Variants in UBQLN1 observed in about 807,000 individuals in gnomAD.
UBQLN1 encodes the protein ubiquilin 1, also known as ubiquilin-1.
In UBQLN1, 13 loss-of-function variants were observed where a neutral mutation model predicts 65.4. That is an observed-to-expected ratio of 0.20 (90% confidence interval 0.13 to 0.32). The LOEUF (loss-of-function observed/expected upper bound fraction) is 0.32. Among genes scored for constraint, UBQLN1 ranks in the 10% least tolerant of loss-of-function variants. The pLI is 1.00. For synonymous variants in UBQLN1, 267 were observed against 247.8 expected, an observed-to-expected ratio of 1.08 and a Z score of -0.73; for missense variants, 561 against 724.0, an observed-to-expected ratio of 0.77 and a Z score of 2.58.
chr9:83,678,697 G>A, intron 4 of UBQLN1, 98 bp from the exon 5 acceptor site: 1 of 1,250,894 alleles, frequency 8.0e-7, no homozygotes, highest in South Asian at 1.5e-5. Flanking sequence ...CAAAGTTTAT[G>A]GGAGGCCACT....
At chr9:83,687,733 T>C (rs1202878698) in intron 1 of UBQLN1, among the ~76,000 whole-genome samples, 1 of 152,196 alleles carries the variant, frequency 6.6e-6, no homozygotes, top group Admixed American at 6.5e-5. Flanking sequence ...CATTTGTGTA[T>C]GAACAAAATT....
chr9:83,693,666 T>C (rs1440682304), intron 1 of UBQLN1, among the ~76,000 whole-genome samples: 2 of 152,234 alleles, frequency 1.3e-5, no homozygotes, highest in Non-Finnish European at 2.9e-5. Flanking sequence ...TCAACTTTTA[T>C]GGTGCCAATC....
intron 7 of UBQLN1, chr9:83,667,689 T>C (rs1278144322): frequency 2.0e-6 from 2 of 985,152 alleles, no homozygotes; most frequent in East Asian, 1.1e-4. Context: ...AAAAAGCATG[T>C]CATCTTAAAC....
intron 10 of UBQLN1, 93 bp downstream of exon 10, chr9:83,663,782 G>A: frequency 1.5e-6 from 2 of 1,373,470 alleles, no homozygotes; most frequent in Non-Finnish European, 9.9e-7. Context: ...AAGAACTACT[G>A]CTTTCCTTTT....
Position 83,672,485 on chromosome 9 carries a change from T to C in UBQLN1, c.1106-3158A>G, listed in dbSNP as rs556036723. Among the ~76,000 whole-genome samples, 4 of 152,286 alleles carry C rather than the reference T, an allele frequency of 2.6e-5. No individual in the cohort carries two copies. In the East Asian group the frequency reaches 7.7e-4, roughly 29 times the overall value. ...GAGTTATTAACTGACCCAATTTCAA[T>C]GTTGTGTCTCAGAGAATAGGGAGAC... is the stretch of plus-strand genomic sequence containing the variant. On this transcript the variant is annotated intron_variant, in intron 6 of 10. Coordinates refer to ENST00000376395, the MANE Select transcript of UBQLN1 (RefSeq NM_013438.5).
chr9:83,667,716 A>G, intron 7 of UBQLN1: 1 of 983,752 alleles, frequency 1.0e-6, no homozygotes, highest in Non-Finnish European at 1.2e-6. Flanking sequence ...TTTCACAGAT[A>G]ATCATCTTAT....
intron 1 of UBQLN1, among the ~76,000 whole-genome samples, chr9:83,690,539 A>G (rs1385390901): frequency 1.3e-5 from 2 of 152,188 alleles, no homozygotes; most frequent in African/African-American, 4.8e-5. Context: ...CTGTACTTTA[A>G]TAAAAATAGT....
Position 83,679,767 on chromosome 9 carries a change from C to T in UBQLN1, c.711+8G>A, listed in dbSNP as rs370436678. ...TAGCTAAACGAACTGAAAGAACTTTCCACATACTTGTCTCATTATATCTGG... is the reference window on the plus strand; with the variant it reads ...TAGCTAAACGAACTGAAAGAACTTTTCACATACTTGTCTCATTATATCTGG... On this transcript the variant is annotated splice_region_variant and intron_variant, in intron 4 of 10. Coordinates refer to ENST00000376395, the MANE Select transcript of UBQLN1 (RefSeq NM_013438.5). 1.2e-6 allele frequency: 2 copies of T among 1,611,640 alleles called. No individual in the cohort carries two copies. The highest frequency in any genetic ancestry group is 1.7e-6 in the Non-Finnish European group (2 of 1,178,272).
rs201699870 is a variant in UBQLN1 at position 83,669,188 on chromosome 9, T to C, written c.1245A>G (p.Ala415=). Residue 415 remains alanine, a synonymous_variant, in exon 7 of 11, where the codon GCA becomes GCG. Coordinates refer to ENST00000376395, the MANE Select transcript of UBQLN1 (RefSeq NM_013438.5). ...QSLSQNPDLA[A]QMMLNNPLFA... ...TTCAATACAATTACAAACTCACCTG[T>C]GCAGCAAGGTCAGGATTCTGGCTTA... The C allele has an allele frequency of 4.8e-5, 77 of 1,607,938 alleles. No individual in the cohort carries two copies. In the Middle Eastern group the frequency reaches 2.8e-3, roughly 59 times the overall value.
intron 7 of UBQLN1, chr9:83,666,788 C>T: frequency 5.3e-6 from 1 of 189,436 alleles, no homozygotes; most frequent in East Asian, 1.2e-4. Context: ...ATATTTTCTA[C>T]TACACTGGCA....
In UBQLN1 at chr9:83,695,299, A is replaced by G. The variant is rs558635818; in HGVS notation, c.181-9144T>C. Among the ~76,000 whole-genome samples, 578 of 151,644 alleles carry G rather than the reference A, an allele frequency of 3.8e-3. 1 individual carries two copies. The highest frequency in any genetic ancestry group is 6.5e-3 in the Non-Finnish European group (445 of 67,968). On this transcript the variant is annotated intron_variant, in intron 1 of 10. Transcript: ENST00000376395. Reference sequence around the variant, plus strand: ...CTGCAACCTCCACCTCCCGGGTTCAAGTGATTCTCCTGCCTCAGCCTCCCA... The same window carrying G: ...CTGCAACCTCCACCTCCCGGGTTCAGGTGATTCTCCTGCCTCAGCCTCCCA...
chr9:83,687,077 G>A (rs1832052985), intron 1 of UBQLN1, among the ~76,000 whole-genome samples: 1 of 151,950 alleles, frequency 6.6e-6, no homozygotes. Flanking sequence ...GCAGTACTGT[G>A]GAAAATCAAA....
chr9:83,680,144 A>G, intron 3 of UBQLN1, 107 bp from the exon 4 acceptor site: 1 of 1,175,802 alleles, frequency 8.5e-7, no homozygotes, highest in Non-Finnish European at 1.2e-6. Context: ...CCAATAGTCT[A>G]TTACAAGAAA....
At chr9:83,688,599 C>T (rs553315220) in intron 1 of UBQLN1, among the ~76,000 whole-genome samples, 2 of 151,768 alleles carry the variant, frequency 1.3e-5, no homozygotes, top group African/African-American at 4.8e-5. Context: ...TGCAGTGGCT[C>T]ACACCTGTAA....
chr9:83,707,579 G>C lies in UBQLN1; in HGVS notation c.101C>G (p.Pro34Arg). ...GAPAAAASAEPKIMKVTVKTP... is the reference protein window; with the variant it reads ...GAPAAAASAERKIMKVTVKTP... The stretch of plus-strand genomic sequence containing the variant: ...CTTCACGGTGACTTTCATGATTTTG[G>C]GCTCCGCGGAGGCAGCGGCCGCGGG... The change falls in exon 1 of 11, where the codon CCC (proline) becomes CGC (arginine). Residue 34 changes from proline (P) to arginine (R), a missense_variant. Transcript: ENST00000376395. 1 of 1,608,128 alleles carries C rather than the reference G, an allele frequency of 6.2e-7. No homozygotes were observed. The highest frequency in any genetic ancestry group is 1.1e-5 in the South Asian group (1 of 90,520).
At position 83,694,547 on chromosome 9, in the gene UBQLN1, G is replaced by C. The variant is rs11140215; in HGVS notation, c.181-8392C>G. ...CTGAATATGTAACACGTATGAGAAA[G>C]GGGCACTCTCTCATAAAACTGTACA... On this transcript the variant is annotated intron_variant, in intron 1 of 10. Transcript: ENST00000376395. 8.3e-3 allele frequency among the ~76,000 whole-genome samples: 1,260 copies of C among 152,276 alleles called. 33 individuals carry two copies. Among genetic ancestry groups the C allele is most frequent in the East Asian group, 0.046 (238 of 5,192 alleles).
intron 7 of UBQLN1, chr9:83,667,848 G>C (rs1297097775): frequency 1.0e-6 from 1 of 972,514 alleles, no homozygotes; most frequent in African/African-American, 1.8e-5. Context: ...CAGATAACAA[G>C]AACATTGTAA....
At position 83,683,042 on chromosome 9, in the gene UBQLN1, T is replaced by C. The variant is rs2093677268; in HGVS notation, c.357A>G (p.Gln119=). The change falls in exon 3 of 11, where the codon CAA becomes CAG. Residue 119 remains glutamine, a synonymous_variant. Transcript: ENST00000376395. ...TAACATTGCTTCCAGCTGTATTTGTTTGCTGAGCTGAATGATCCTGAGGCC... is the reference window on the plus strand; with the variant it reads ...TAACATTGCTTCCAGCTGTATTTGTCTGCTGAGCTGAATGATCCTGAGGCC... ...QNRPQDHSAQ[Q]TNTAGSNVTT... 6.2e-7 allele frequency: 1 copy of C among 1,611,714 alleles called. No individual in the cohort carries two copies. The highest frequency in any genetic ancestry group is 8.5e-7 in the Non-Finnish European group (1 of 1,179,466).
At chr9:83,661,964 C>T in intron 10 of UBQLN1, 25 bp from the exon 11 acceptor site, 1 of 1,598,540 alleles carries the variant, frequency 6.3e-7, no homozygotes, top group Non-Finnish European at 8.5e-7. Flanking sequence ...AAAAATTAAT[C>T]CAACTCTAAA....
Sources: gnomAD v4.1 joint callset for allele counts (sites outside exome capture counted in the v4.1 genomes callset) on GRCh38, gnomAD v4.1.1 for gene constraint, MANE v1.5 for transcripts, NCBI Gene and HGNC (gene_info 2026-07-23, HGNC 2026-07-21) for gene names.